CUX2: variants seen among roughly 807,000 people sequenced by gnomAD.
CUX2 encodes the protein cut like homeobox 2, also known as homeobox protein cut-like 2.
A neutral mutation model predicts 144.8 loss-of-function variants in CUX2; 40 were observed. That is an observed-to-expected ratio of 0.28 (90% confidence interval 0.21 to 0.36). The LOEUF is 0.36. Among genes scored for constraint, CUX2 ranks in the 10% least tolerant of loss-of-function variants. The pLI, the probability that CUX2 is intolerant of heterozygous loss-of-function variation, is 1.00. For synonymous variants in CUX2, 827 were observed against 875.6 expected (o/e 0.94, Z 0.98); for missense variants, 1,615 against 1,994.0 (o/e 0.81, Z 3.62).
chr12:111,049,151 TTCCA>T (rs535341643), intron 1 of CUX2, among the ~76,000 whole-genome samples: 181 of 152,002 alleles, frequency 1.2e-3, no homozygotes, highest in African/African-American at 4.2e-3. Context: ...CCATGAATCC[TTCCA>T]TCCATCCATT....
At chr12:111,163,901 T>G (rs536497353) in intron 1 of CUX2, among the ~76,000 whole-genome samples, 1 of 152,226 alleles carries the variant, frequency 6.6e-6, no homozygotes, top group East Asian at 1.9e-4. Context: ...CACCTACTTT[T>G]CCTCTAGGAG....
chr12:111,164,583 TAAAAAAG>T (rs1385080583), intron 1 of CUX2, among the ~76,000 whole-genome samples: 2 of 146,744 alleles, frequency 1.4e-5, no homozygotes, highest in African/African-American at 5.1e-5. Context: ...CTCAAAAAAA[TAAAAAAG>T]AAAAAAAAAG....
intron 1 of CUX2, among the ~76,000 whole-genome samples, chr12:111,104,605 A>G (rs898291011): frequency 2.6e-5 from 4 of 152,208 alleles, no homozygotes; most frequent in Admixed American, 2.6e-4. Context: ...CTGGTTCCTC[A>G]TCTATAAAAT....
rs1474813450 is a variant in CUX2, at chr12:111,061,906, G to C, written c.63+27666G>C. Among the ~76,000 whole-genome samples the C allele has an allele frequency of 6.6e-6, 1 of 152,168 alleles. No homozygotes were observed. The highest frequency in any genetic ancestry group is 1.5e-5 in the Non-Finnish European group (1 of 68,036). On this transcript the variant is annotated intron_variant, in intron 1 of 21. Transcript: ENST00000261726. This position sits in a 1 kb window ranked among gnomAD's most constrained non-coding sequence, Gnocchi z 4.2. ...TCAGGCACAGTCAAGTTCAAATTCTGCCCCTGCCAATAAGACTTCAGCGCG... is the reference window on the plus strand; with the variant it reads ...TCAGGCACAGTCAAGTTCAAATTCTCCCCCTGCCAATAAGACTTCAGCGCG...
chr12:111,044,887 G>C (rs1173257731), intron 1 of CUX2, among the ~76,000 whole-genome samples: 1 of 152,176 alleles, frequency 6.6e-6, no homozygotes, highest in African/African-American at 2.4e-5. Flanking sequence ...ATGAGGGTTT[G>C]TTTACCTTTA....
At chr12:111,149,422 A>G (rs1176792390) in intron 1 of CUX2, among the ~76,000 whole-genome samples, 1 of 152,166 alleles carries the variant, frequency 6.6e-6, no homozygotes, top group African/African-American at 2.4e-5. Context: ...TTTGGGCTGG[A>G]TAGTCTGTTG....
In CUX2 at chr12:111,341,775, C is replaced by A; in HGVS notation, c.3386-5C>A. The A allele has an allele frequency of 6.3e-7, 1 of 1,580,174 alleles. No individual in the cohort carries two copies. The highest frequency in any genetic ancestry group is 8.6e-7 in the Non-Finnish European group (1 of 1,165,350). On this transcript the variant is annotated splice_region_variant and splice_polypyrimidine_tract_variant and intron_variant, in intron 20 of 21. Transcript: ENST00000261726. ...TCTCAGCCCTCCCTCTCTTCCTGGC[C>A]CCAGCCTACCTGAAACGTCGCTATG...
chr12:111,260,168 T>A (rs112964221), intron 3 of CUX2, among the ~76,000 whole-genome samples: 1,738 of 147,458 alleles, frequency 0.012, 31 homozygotes, highest in African/African-American at 0.041. Flanking sequence ...CCAAAAAAAA[T>A]TTTTTTTTAA....
chr12:111,251,556 C>T lies in CUX2; in HGVS notation c.223-12205C>T, dbSNP rs1022738853. ...CCAAGCCGTGAAAGCCAGCCTGGCA[C>T]GGAACACCACTCGCGGTATCTCCGG... On this transcript the variant is annotated intron_variant, in intron 3 of 21. Transcript: ENST00000261726. Among the ~76,000 whole-genome samples, 8 of 152,076 alleles carry T rather than the reference C, an allele frequency of 5.3e-5. No individual in the cohort carries two copies. The South Asian group carries it at 6.2e-4, about 12-fold the overall frequency.
chr12:111,132,713 T>TCCA (rs1054737191), intron 1 of CUX2, among the ~76,000 whole-genome samples: 3 of 151,880 alleles, frequency 2.0e-5, no homozygotes, highest in African/African-American at 7.2e-5. Flanking sequence ...ATTACAGGCA[T>TCCA]CCACCACCAC....
In CUX2 at chr12:111,115,242, G is replaced by A. The variant is rs528693247; in HGVS notation, c.63+81002G>A. ...CTGCTGGTATTTTGATTGACATTGC[G>A]TTGAATCTGTAGATCAATTTGGAGA... On this transcript the variant is annotated intron_variant, in intron 1 of 21. Transcript: ENST00000261726. 6.6e-4 allele frequency among the ~76,000 whole-genome samples: 94 copies of A among 142,298 alleles called. 2 individuals carry two copies. The highest frequency in any genetic ancestry group is 2.1e-4 in the African/African-American group (8 of 38,662). 93.4% of individuals were successfully genotyped at this position (142,298 alleles called of 152,430 possible).
chr12:111,175,583 G>A (rs1437633082), intron 1 of CUX2, among the ~76,000 whole-genome samples: 1 of 151,978 alleles, frequency 6.6e-6, no homozygotes, highest in Non-Finnish European at 1.5e-5. Context: ...GCTTGGTCAC[G>A]CGGCAATATC....
At chr12:111,205,826 C>T (rs1043700976) in intron 1 of CUX2, among the ~76,000 whole-genome samples, 1 of 152,254 alleles carries the variant, frequency 6.6e-6, no homozygotes, top group African/African-American at 2.4e-5. Context: ...GTTTCCCAGA[C>T]AGACCGGGCT....
At chr12:111,183,371 C>A (rs1354050558) in intron 1 of CUX2, among the ~76,000 whole-genome samples, 1 of 152,260 alleles carries the variant, frequency 6.6e-6, no homozygotes, top group Non-Finnish European at 1.5e-5. Context: ...TGTGCCCAGG[C>A]TCCAGTCCCC....
rs375557321 is a variant in CUX2, at chr12:111,152,729, C to T, written c.64-61471C>T. On this transcript the variant is annotated intron_variant, in intron 1 of 21. Transcript: ENST00000261726. Reference sequence around the variant, plus strand: ...GACGCATGTTAGAGGCAGTAGAACTCGCAACGCCTTGGCAGGCAGGGGTGC... The same window carrying T: ...GACGCATGTTAGAGGCAGTAGAACTTGCAACGCCTTGGCAGGCAGGGGTGC... Among the ~76,000 whole-genome samples the T allele has an allele frequency of 3.9e-5, 6 of 152,298 alleles. 1 individual carries two copies. The highest frequency in any genetic ancestry group is 9.6e-5 in the African/African-American group (4 of 41,558).
chr12:111,193,786 C>T (rs1282572751), intron 1 of CUX2, among the ~76,000 whole-genome samples: 1 of 152,142 alleles, frequency 6.6e-6, no homozygotes, highest in Non-Finnish European at 1.5e-5. Flanking sequence ...ATGTCAAGGT[C>T]GGGGGAAGCC....
intron 1 of CUX2, among the ~76,000 whole-genome samples, chr12:111,114,931 A>C (rs556958429): frequency 6.6e-6 from 1 of 152,314 alleles, no homozygotes; most frequent in Admixed American, 6.5e-5. Context: ...TTTATTTATC[A>C]CTTTCCATTG....
At chr12:111,318,503 C>G in intron 16 of CUX2, among the ~76,000 whole-genome samples, 1 of 151,004 alleles carries the variant, frequency 6.6e-6, no homozygotes, top group South Asian at 2.1e-4. Flanking sequence ...ACCACTTGAG[C>G]CCAGGAGTTT....
At chr12:111,172,130 T>C (rs912482251) in intron 1 of CUX2, among the ~76,000 whole-genome samples, 2 of 151,958 alleles carry the variant, frequency 1.3e-5, no homozygotes, top group Admixed American at 1.3e-4. Flanking sequence ...TGTGTGTGCA[T>C]GTGCCTTTGT....
Sources: gnomAD v4.1 joint callset for allele counts (sites outside exome capture counted in the v4.1 genomes callset) on GRCh38, gnomAD v4.1.1 for gene constraint, Gnocchi (gnomAD v3.1) non-coding constraint, MANE v1.5 for transcripts, NCBI Gene and HGNC (gene_info 2026-07-23, HGNC 2026-07-21) for gene names.